The following MLIP variants were observed in gnomAD, a reference collection of about 807,000 sequenced individuals.
MLIP encodes muscular LMNA-interacting protein.
MLIP carries 79 observed loss-of-function variants against 84.8 expected under a neutral mutation model. The observed-to-expected ratio is 0.93, with a 90% confidence interval of 0.78 to 1.12. The LOEUF is 1.12. Ranked by LOEUF, MLIP falls within the 50% of genes most tolerant of loss-of-function variation. MLIP has a pLI of 0.00. For synonymous variants in MLIP, 504 were observed against 463.0 expected (o/e 1.09, Z -1.14); for missense variants, 1,257 against 1,160.6 (o/e 1.08, Z -1.21).
chr6:54,022,267 G>A (rs1763539292), intron 1 of MLIP, among the ~76,000 whole-genome samples: 1 of 152,196 alleles, frequency 6.6e-6, no homozygotes, highest in South Asian at 2.1e-4. Flanking sequence ...ACTAAAGACT[G>A]TGAGGCACTC....
At chr6:54,086,477 G>A (rs769867390) in intron 1 of MLIP, among the ~76,000 whole-genome samples, 4 of 152,120 alleles carry the variant, frequency 2.6e-5, no homozygotes, top group African/African-American at 4.8e-5. Context: ...CTTCATTTTA[G>A]GGGAATATAG....
chr6:54,196,686 A>G (rs1778324373), intron 10 of MLIP, among the ~76,000 whole-genome samples: 1 of 152,042 alleles, frequency 6.6e-6, no homozygotes, highest in African/African-American at 2.4e-5. Flanking sequence ...CTGTCTGTCA[A>G]TTAACTTATT....
chr6:54,120,169 T>C (rs945309034), intron 1 of MLIP, among the ~76,000 whole-genome samples: 1 of 152,232 alleles, frequency 6.6e-6, no homozygotes, highest in Non-Finnish European at 1.5e-5. Context: ...TCTTTCTCCC[T>C]TTCCATTTAG....
chr6:54,167,295 T>A (rs1354093755), intron 8 of MLIP, among the ~76,000 whole-genome samples: 1 of 147,194 alleles, frequency 6.8e-6, no homozygotes, highest in Admixed American at 6.9e-5. Context: ...CCCCAATACT[T>A]CTGTGACTGG....
chr6:54,155,149 T>A (rs561571193), intron 5 of MLIP, among the ~76,000 whole-genome samples: 2 of 152,258 alleles, frequency 1.3e-5, no homozygotes, highest in East Asian at 3.9e-4. Context: ...TATTCCCAGA[T>A]CTTTAAAGAA....
intron 11 of MLIP, among the ~76,000 whole-genome samples, chr6:54,214,491 T>G (rs1421175383): frequency 2.0e-5 from 3 of 152,194 alleles, no homozygotes; most frequent in Non-Finnish European, 4.4e-5. Context: ...CTATTGAGAC[T>G]TCTGTTCTTG....
chr6:54,104,034 A>C (rs2150393966), intron 1 of MLIP, among the ~76,000 whole-genome samples: 1 of 152,236 alleles, frequency 6.6e-6, no homozygotes, highest in East Asian at 1.9e-4. Flanking sequence ...TCTTATATTT[A>C]AGGCATCTTA....
intron 1 of MLIP, among the ~76,000 whole-genome samples, chr6:54,096,327 G>A (rs1301547977): frequency 6.6e-6 from 1 of 152,084 alleles, no homozygotes; most frequent in African/African-American, 2.4e-5. Flanking sequence ...TATTAAAATT[G>A]GTACTTTGGA....
At position 54,120,711 on chromosome 6, in the gene MLIP, C is replaced by T. The variant is rs191857114; in HGVS notation, c.97-736C>T. 1.7e-3 allele frequency among the ~76,000 whole-genome samples: 263 copies of T among 152,248 alleles called. 2 individuals carry two copies. The highest frequency in any genetic ancestry group is 6.0e-3 in the African/African-American group (250 of 41,552). ...TCTCAGCTTGGGATCTCCCTATCCT[C>T]CTTTTCAACTGGACTTAAATTTCAG... On this transcript the variant is annotated intron_variant, in intron 1 of 13. Transcript: ENST00000502396.
At chr6:54,173,800 T>A (rs1776007355) in intron 9 of MLIP, among the ~76,000 whole-genome samples, 1 of 151,958 alleles carries the variant, frequency 6.6e-6, no homozygotes, top group Admixed American at 6.6e-5. Context: ...TTATTATTGA[T>A]TGTGCTATCA....
chr6:54,158,130 A>G (rs1774233121), intron 5 of MLIP, among the ~76,000 whole-genome samples: 1 of 152,104 alleles, frequency 6.6e-6, no homozygotes, highest in African/African-American at 2.4e-5. Flanking sequence ...TTCTGGATGG[A>G]GATCCCTGGT....
intron 3 of MLIP, among the ~76,000 whole-genome samples, chr6:54,126,229 A>G (rs1173637369): frequency 6.6e-6 from 1 of 152,098 alleles, no homozygotes; most frequent in Non-Finnish European, 1.5e-5. Flanking sequence ...CTCTGAGAAG[A>G]AAATGTATTA....
chr6:54,027,905 C>A (rs537159675), intron 1 of MLIP, among the ~76,000 whole-genome samples: 6 of 152,102 alleles, frequency 3.9e-5, no homozygotes, highest in African/African-American at 1.4e-4. Context: ...AGGCTTTAAC[C>A]GAGCTGTGCT....
intron 10 of MLIP, among the ~76,000 whole-genome samples, chr6:54,193,373 G>C (rs974119556): frequency 6.6e-6 from 1 of 152,132 alleles, no homozygotes; most frequent in East Asian, 1.9e-4. Flanking sequence ...CTATGGATAG[G>C]GAGAGGTTAT....
At chr6:54,128,790 GAGTTGATAATA>G (rs1771140277) in intron 3 of MLIP, among the ~76,000 whole-genome samples, 1 of 152,116 alleles carries the variant, frequency 6.6e-6, no homozygotes, top group Admixed American at 6.5e-5. Flanking sequence ...TTTGTAAAAT[GAGTTGATAATA>G]TATCAACCTT....
chr6:54,232,321 T>C (rs1231452133), intron 12 of MLIP, among the ~76,000 whole-genome samples: 1 of 152,136 alleles, frequency 6.6e-6, no homozygotes, highest in Admixed American at 6.5e-5. Flanking sequence ...ATTTTGAAAG[T>C]GTTTTCTGGA....
chr6:54,064,318 TG>T (rs890435083), intron 1 of MLIP, among the ~76,000 whole-genome samples: 2 of 99,986 alleles, frequency 2.0e-5, no homozygotes, highest in African/African-American at 5.1e-5. Context: ...CACTAGCTGT[TG>T]ATGGTTAAAG....
At chr6:54,174,449 G>C (rs1020801576) in intron 9 of MLIP, among the ~76,000 whole-genome samples, 2 of 151,816 alleles carry the variant, frequency 1.3e-5, no homozygotes, top group Non-Finnish European at 2.9e-5. Context: ...TTTTAACTGG[G>C]GTGAGATAAT....
At chr6:54,182,208 C>T (rs1272136744) in intron 9 of MLIP, among the ~76,000 whole-genome samples, 1 of 152,162 alleles carries the variant, frequency 6.6e-6, no homozygotes, top group Non-Finnish European at 1.5e-5. Context: ...TGGGCAGTTC[C>T]CCTCTGTATA....
Sources: allele counts gnomAD v4.1 joint callset (sites outside exome capture counted in the v4.1 genomes callset), GRCh38; gene constraint gnomAD v4.1.1; transcripts MANE v1.5; gene names NCBI Gene and HGNC (gene_info 2026-07-23, HGNC 2026-07-21).